The following VPS33B variants were observed in gnomAD, a reference collection of about 807,000 sequenced individuals.
The protein encoded by VPS33B is vacuolar protein sorting-associated protein 33B.
Under a neutral mutation model 95.3 loss-of-function variants are expected in VPS33B, and 80 were observed. The ratio of observed to expected loss-of-function variants is 0.84; its 90% CI spans 0.70 to 1.01. VPS33B has a LOEUF of 1.01. VPS33B is among the 50% of genes least tolerant of loss of function. The pLI is 0.00. For synonymous variants in VPS33B, 280 were observed against 280.4 expected (o/e 1.00, Z 0.01); for missense variants, 715 against 773.4 (o/e 0.92, Z 0.90).
In VPS33B at chr15:91,005,942, C is replaced by T. The variant is rs1282331744; in HGVS notation, c.939+31G>A. 6.2e-7 allele frequency: 1 copy of T among 1,613,388 alleles called. No individual in the cohort carries two copies. The highest frequency in any genetic ancestry group is 1.1e-5 in the South Asian group (1 of 90,938). On this transcript the variant is annotated intron_variant, in intron 12 of 22. Coordinates refer to ENST00000333371, the MANE Select transcript of VPS33B (RefSeq NM_018668.5). The surrounding 1 kb of genome is among the most constrained non-coding windows in gnomAD (Gnocchi z 6.4). Reference sequence around the variant, plus strand: ...CAGCCTTGGGAAGCCACTGAGGCAACAAAACAGAGGAGCAGGGCTTGGAGC... The same window carrying T: ...CAGCCTTGGGAAGCCACTGAGGCAATAAAACAGAGGAGCAGGGCTTGGAGC...
Position 91,009,416 on chromosome 15 carries a change from T to C in VPS33B, c.403+385A>G, listed in dbSNP as rs1170983617. Among the ~76,000 whole-genome samples, 1 of 151,736 alleles carries C rather than the reference T, an allele frequency of 6.6e-6. No individual in the cohort carries two copies. Among genetic ancestry groups the C allele is most frequent in the Non-Finnish European group, 1.5e-5 (1 of 67,878 alleles). Reference sequence around the variant, plus strand: ...CTGCCTCCCGGGTTCAAGCAATTCTTCTGCCTCAGCCTCCCGAGTAGCTGG... The same window carrying C: ...CTGCCTCCCGGGTTCAAGCAATTCTCCTGCCTCAGCCTCCCGAGTAGCTGG... On this transcript the variant is annotated intron_variant, in intron 6 of 22. Transcript: ENST00000333371. This position sits in a 1 kb window ranked among gnomAD's most constrained non-coding sequence, Gnocchi z 4.1.
chr15:91,005,672 C>G lies in VPS33B; in HGVS notation c.1030+22G>C. On this transcript the variant is annotated intron_variant, in intron 13 of 22. Transcript: ENST00000333371. The surrounding 1 kb of genome is among the most constrained non-coding windows in gnomAD (Gnocchi z 6.4). The stretch of plus-strand genomic sequence containing the variant: ...AGAGGGACACAGTCACTTCCCCTCA[C>G]GCCCCTCAAGCTGAAACCTACGGAG... 6.2e-7 allele frequency: 1 copy of G among 1,613,730 alleles called. No individual in the cohort carries two copies. The highest frequency in any genetic ancestry group is 1.7e-5 in the Admixed American group (1 of 60,024).
In VPS33B at chr15:91,011,638, G is replaced by C. The variant is rs540566147; in HGVS notation, c.358-1792C>G. On this transcript the variant is annotated intron_variant, in intron 5 of 22. Transcript: ENST00000333371. This position sits in a 1 kb window ranked among gnomAD's most constrained non-coding sequence, Gnocchi z 5.5. The stretch of plus-strand genomic sequence containing the variant: ...AAAAATAACTATTTTGTTTTTCTGT[G>C]TAATAGAGAGGCTTGTAGGATTATT... Among the ~76,000 whole-genome samples the C allele has an allele frequency of 3.3e-5, 5 of 152,312 alleles. No homozygotes were observed. Among genetic ancestry groups the C allele is most frequent in the African/African-American group, 1.2e-4 (5 of 41,572 alleles).
rs1156972061 is a variant in VPS33B at position 91,010,694 on chromosome 15, G to C, written c.358-848C>G. Reference sequence around the variant, plus strand: ...CTCTAGGGAACACAAGATGAAAGGGGGCCAGAGTACAGGACCTGGCAGGGA... The same window carrying C: ...CTCTAGGGAACACAAGATGAAAGGGCGCCAGAGTACAGGACCTGGCAGGGA... On this transcript the variant is annotated intron_variant, in intron 5 of 22. Coordinates refer to ENST00000333371, the MANE Select transcript of VPS33B (RefSeq NM_018668.5). This position sits in a 1 kb window ranked among gnomAD's most constrained non-coding sequence, Gnocchi z 5.7. 1.3e-5 allele frequency among the ~76,000 whole-genome samples: 2 copies of C among 152,134 alleles called. No individual in the cohort carries two copies. The highest frequency in any genetic ancestry group is 4.8e-5 in the African/African-American group (2 of 41,430).
rs2040654780 is a variant in VPS33B at position 91,007,671 on chromosome 15, C to G, written c.499-98G>C. The G allele has an allele frequency of 2.9e-6, 4 of 1,360,922 alleles. No homozygotes were observed. The highest frequency in any genetic ancestry group is 2.9e-5 in the African/African-American group (2 of 69,870). The allele number at this position is 1,360,922 out of a possible 1,614,324, so 84.3% of individuals were successfully genotyped here. ...AAGCCCTGGAGCAGGGTGGCAGGGC[C>G]TGGGGGATGCTTGAAAGGTTTTCAT... On this transcript the variant is annotated intron_variant, in intron 7 of 22. Coordinates refer to ENST00000333371, the MANE Select transcript of VPS33B (RefSeq NM_018668.5). The surrounding 1 kb of genome is among the most constrained non-coding windows in gnomAD (Gnocchi z 5.3).
Position 91,009,065 on chromosome 15 carries a change from C to A in VPS33B, c.403+736G>T, listed in dbSNP as rs183722077. Among the ~76,000 whole-genome samples, 68 of 152,114 alleles carry A rather than the reference C, an allele frequency of 4.5e-4. 1 individual carries two copies. The highest frequency in any genetic ancestry group is 3.4e-3 in the Middle Eastern group (1 of 294). ...TATATTGAGCCGCTGCTATTTCCAG[C>A]AGGGAGGGCTGTGATCAGGTTTGGG... On this transcript the variant is annotated intron_variant, in intron 6 of 22. Coordinates refer to ENST00000333371, the MANE Select transcript of VPS33B (RefSeq NM_018668.5). This position sits in a 1 kb window ranked among gnomAD's most constrained non-coding sequence, Gnocchi z 4.1.
At position 91,006,643 on chromosome 15, in the gene VPS33B, A is replaced by C; in HGVS notation, c.778+9T>G. ...ATCTTGCCAAGATGCAGAGGACCAT[A>C]GCACTTACCACACTTGATGCGGAAG... On this transcript the variant is annotated intron_variant, in intron 10 of 22. Transcript: ENST00000333371. The surrounding 1 kb of genome is among the most constrained non-coding windows in gnomAD (Gnocchi z 5.4). 1 of 1,614,242 alleles carries C rather than the reference A, an allele frequency of 6.2e-7. No homozygotes were observed.
chr15:90,999,365 C>A lies in VPS33B; in HGVS notation c.1775-311G>T, dbSNP rs2040366712. The A allele has an allele frequency of 2.0e-6, 1 of 508,628 alleles. No individual in the cohort carries two copies. The highest frequency in any genetic ancestry group is 1.9e-5 in the African/African-American group (1 of 51,718). The allele number at this position is 508,628 out of a possible 1,614,324, so 31.5% of individuals were successfully genotyped here. ...TGGAGTTTTGCTATTGTTGCCCAGGCTGGAGTGCAATGGTGCAATCTCAGC... is the reference window on the plus strand; with the variant it reads ...TGGAGTTTTGCTATTGTTGCCCAGGATGGAGTGCAATGGTGCAATCTCAGC... On this transcript the variant is annotated intron_variant, in intron 22 of 22. Transcript: ENST00000333371. The surrounding 1 kb of genome is among the most constrained non-coding windows in gnomAD (Gnocchi z 5.1).
In VPS33B at chr15:91,003,601, G is replaced by A. The variant is rs145780697; in HGVS notation, c.1226-470C>T. Reference sequence around the variant, plus strand: ...ATTACAGGCATGCGCCACCACACCTGGCTAATTTTTGTATTTTTAGTAGAG... The same window carrying A: ...ATTACAGGCATGCGCCACCACACCTAGCTAATTTTTGTATTTTTAGTAGAG... On this transcript the variant is annotated intron_variant, in intron 16 of 22. Coordinates refer to ENST00000333371, the MANE Select transcript of VPS33B (RefSeq NM_018668.5). 8.9e-3 allele frequency among the ~76,000 whole-genome samples: 1,348 copies of A among 152,128 alleles called. 14 individuals are homozygous for A. The highest frequency in any genetic ancestry group is 0.03 in the African/African-American group (1,237 of 41,504).
At chr15:91,004,082 G>A (rs2040522749) in intron 16 of VPS33B, among the ~76,000 whole-genome samples, 1 of 151,924 alleles carries the variant, frequency 6.6e-6, no homozygotes, top group African/African-American at 2.4e-5. Flanking sequence ...AAATTAGCTG[G>A]GTATGATAGC....
rs1339124644 is a variant in VPS33B, at chr15:91,011,185, G to T, written c.358-1339C>A. On this transcript the variant is annotated intron_variant, in intron 5 of 22. Coordinates refer to ENST00000333371, the MANE Select transcript of VPS33B (RefSeq NM_018668.5). The surrounding 1 kb of genome is among the most constrained non-coding windows in gnomAD (Gnocchi z 5.5). ...CTCCTTTGAGGTAAGTGGGGAAAGGGTGAATATTTTAAAGTAATGAGAAAG... is the reference window on the plus strand; with the variant it reads ...CTCCTTTGAGGTAAGTGGGGAAAGGTTGAATATTTTAAAGTAATGAGAAAG... Among the ~76,000 whole-genome samples, 23 of 152,322 alleles carry T rather than the reference G, an allele frequency of 1.5e-4. No homozygotes were observed. The highest frequency in any genetic ancestry group is 1.5e-5 in the Non-Finnish European group (1 of 68,038).
Position 91,005,218 on chromosome 15 carries a change from G to A in VPS33B, c.1106-99C>T. ...TCTCCCCATCTCTTTCTCCATCCTT[G>A]GGGTGGGTTAAGGGACCCCCAGGAC... On this transcript the variant is annotated intron_variant, in intron 14 of 22. Transcript: ENST00000333371. The surrounding 1 kb of genome is among the most constrained non-coding windows in gnomAD (Gnocchi z 6.4). 1.2e-6 allele frequency: 2 copies of A among 1,612,002 alleles called. No individual in the cohort carries two copies. Among genetic ancestry groups the A allele is most frequent in the Non-Finnish European group, 1.7e-6 (2 of 1,179,582 alleles).
Position 91,022,454 on chromosome 15 carries a change from G to T in VPS33B, c.-205C>A. Reference sequence around the variant, plus strand: ...AGAGCTACTACCTCGGAGCAGCCTTGTCTCAGACCTGCAGCCACCGTGTCT... The same window carrying T: ...AGAGCTACTACCTCGGAGCAGCCTTTTCTCAGACCTGCAGCCACCGTGTCT... On this transcript the variant is annotated 5_prime_UTR_variant, in exon 1 of 23. Transcript: ENST00000333371. 1.9e-6 allele frequency: 1 copy of T among 523,490 alleles called. No individual in the cohort carries two copies. Among genetic ancestry groups the T allele is most frequent in the Non-Finnish European group, 3.4e-6 (1 of 292,300 alleles). 32.4% of individuals were successfully genotyped at this position (523,490 alleles called of 1,614,324 possible).
At position 91,013,370 on chromosome 15, in the gene VPS33B, T is replaced by C. The variant is rs535647988; in HGVS notation, c.357+434A>G. On this transcript the variant is annotated intron_variant, in intron 5 of 22. Coordinates refer to ENST00000333371, the MANE Select transcript of VPS33B (RefSeq NM_018668.5). The surrounding 1 kb of genome is among the most constrained non-coding windows in gnomAD (Gnocchi z 4.5). ...GGGAGTGCTATGGTTTGAATGTGTC[T>C]CCCAAAAGTTCATCTGTTGGAAACT... Among the ~76,000 whole-genome samples, 19 of 152,310 alleles carry C rather than the reference T, an allele frequency of 1.2e-4. No individual in the cohort carries two copies. Among genetic ancestry groups the C allele is most frequent in the African/African-American group, 4.1e-4 (17 of 41,566 alleles).
intron 1 of VPS33B, among the ~76,000 whole-genome samples, chr15:91,019,451 C>T (rs752900354): frequency 1.3e-5 from 2 of 151,912 alleles, no homozygotes; most frequent in Non-Finnish European, 2.9e-5. Flanking sequence ...TTTTAGTTTC[C>T]CAAACTCAAA....
Position 90,999,586 on chromosome 15 carries a change from T to A in VPS33B, c.1774+91A>T, listed in dbSNP as rs972834055. The A allele has an allele frequency of 1.0e-5, 14 of 1,378,476 alleles. No homozygotes were observed. Among genetic ancestry groups the A allele is most frequent in the Non-Finnish European group, 1.0e-6 (1 of 971,754 alleles). The allele number at this position is 1,378,476 out of a possible 1,614,324, so 85.4% of individuals were successfully genotyped here. A position where few individuals can be genotyped will look rare whatever the true frequency, so the allele number is the denominator to read the frequency against. On this transcript the variant is annotated intron_variant, in intron 22 of 22. Transcript: ENST00000333371. This position sits in a 1 kb window ranked among gnomAD's most constrained non-coding sequence, Gnocchi z 5.1. ...TGCCCGCCTCCGCCTCCCAAAGTGC[T>A]GAGATTACAGGTATGAACCACCGTG...
chr15:91,016,503 C>T (rs757227587), intron 3 of VPS33B, among the ~76,000 whole-genome samples: 20 of 151,292 alleles, frequency 1.3e-4, no homozygotes, highest in Non-Finnish European at 2.1e-4. Flanking sequence ...CCTGGCTCAG[C>T]CTCCTGAGTA....
rs376933289 is a variant in VPS33B, at chr15:91,002,625, G to A, written c.1273-443C>T. On this transcript the variant is annotated intron_variant, in intron 17 of 22. Transcript: ENST00000333371. This position sits in a 1 kb window ranked among gnomAD's most constrained non-coding sequence, Gnocchi z 4.7. Reference sequence around the variant, plus strand: ...AGCTTGGGCAACAGAGCGAGACATCGTCTCGAAATAAAAAAAAAAAAAAAA... The same window carrying A: ...AGCTTGGGCAACAGAGCGAGACATCATCTCGAAATAAAAAAAAAAAAAAAA... Among the ~76,000 whole-genome samples, 10 of 139,904 alleles carry A rather than the reference G, an allele frequency of 7.1e-5. No homozygotes were observed. The highest frequency in any genetic ancestry group is 2.5e-4 in the African/African-American group (9 of 36,030). 91.8% of individuals were successfully genotyped at this position (139,904 alleles called of 152,430 possible).
At position 91,005,856 on chromosome 15, in the gene VPS33B, A is replaced by G; in HGVS notation, c.940-72T>C. The G allele has an allele frequency of 6.2e-7, 1 of 1,609,116 alleles. No individual in the cohort carries two copies. ...AAACCACCACCCTCCCTCAGTTGCCATCCATCCATGAGAAAGGACAGGGAA... is the reference window on the plus strand; with the variant it reads ...AAACCACCACCCTCCCTCAGTTGCCGTCCATCCATGAGAAAGGACAGGGAA... On this transcript the variant is annotated intron_variant, in intron 12 of 22. Coordinates refer to ENST00000333371, the MANE Select transcript of VPS33B (RefSeq NM_018668.5). The surrounding 1 kb of genome is among the most constrained non-coding windows in gnomAD (Gnocchi z 6.4).
Sources: gnomAD v4.1 joint callset for allele counts (sites outside exome capture counted in the v4.1 genomes callset) on GRCh38, gnomAD v4.1.1 for gene constraint, Gnocchi (gnomAD v3.1) non-coding constraint, MANE v1.5 for transcripts, NCBI Gene and HGNC (gene_info 2026-07-23, HGNC 2026-07-21) for gene names.